Variants in KIF13B observed in about 807,000 individuals in gnomAD.
The protein encoded by KIF13B is kinesin-like protein KIF13B.
Under a neutral mutation model 222.0 loss-of-function variants are expected in KIF13B, and 127 were observed. That is an observed-to-expected ratio of 0.57 (90% CI 0.50 to 0.66). The LOEUF (loss-of-function observed/expected upper bound fraction) is 0.66, where lower values mean the gene tolerates loss of function less well. Among genes scored for constraint, KIF13B ranks in the 30% least tolerant of loss-of-function variants. The pLI, the probability that KIF13B is intolerant of heterozygous loss-of-function variation, is 0.00. For missense variants in KIF13B, 2,173 were observed against 2,379.0 expected (o/e 0.91, Z 1.80); for synonymous variants, 976 against 919.0 (o/e 1.06, Z -1.12).
intron 10 of KIF13B, among the ~76,000 whole-genome samples, chr8:29,174,016 A>C (rs544943399): frequency 5.5e-4 from 83 of 152,278 alleles, no homozygotes; most frequent in Middle Eastern, 3.4e-3. Context: ...TGTTTAAGGT[A>C]TAGAGCACGT....
intron 23 of KIF13B, among the ~76,000 whole-genome samples, chr8:29,131,577 T>C (rs1810346644): frequency 1.3e-5 from 2 of 152,194 alleles, no homozygotes; most frequent in African/African-American, 4.8e-5. Context: ...ATATGCAATT[T>C]CAGTCAATCC....
In KIF13B at chr8:29,071,707, C is replaced by T. The variant is rs757880042; in HGVS notation, c.5131G>A (p.Ala1711Thr). 1.2e-5 allele frequency: 19 copies of T among 1,550,992 alleles called. No homozygotes were observed. The highest frequency in any genetic ancestry group is 1.6e-5 in the Non-Finnish European group (18 of 1,147,190). Residue 1711 changes from alanine to threonine, a missense_variant, in exon 39 of 40, where the codon GCC (alanine) becomes ACC (threonine). Transcript: ENST00000524189. This position sits in a 1 kb window ranked among gnomAD's most constrained non-coding sequence, Gnocchi z 4.9. ...TATCTCACCACGCCCGTTTTGTGGG[C>T]GCCCACGGTGACGAACTCGCCCTCT... Reference protein sequence around the residue: ...LREGEFVTVGAHKTGVVRYVG... With the variant: ...LREGEFVTVGTHKTGVVRYVG...
intron 6 of KIF13B, among the ~76,000 whole-genome samples, 168 bp from the exon 7 acceptor site, chr8:29,182,174 C>T (rs1347564855): frequency 6.6e-6 from 1 of 152,100 alleles, no homozygotes; most frequent in Non-Finnish European, 1.5e-5. Context: ...ATCTTCACTG[C>T]GAAGAAAACT....
At position 29,126,484 on chromosome 8, in the gene KIF13B, G is replaced by C; in HGVS notation, c.3250C>G (p.Gln1084Glu). 1.3e-6 allele frequency: 2 copies of C among 1,536,374 alleles called. No homozygotes were observed. The highest frequency in any genetic ancestry group is 2.3e-5 in the South Asian group (2 of 86,014). Residue 1084 changes from glutamine (Q) to glutamate (E), a missense_variant and splice_region_variant, in exon 26 of 40, where the codon CAG (glutamine) becomes GAG (glutamate). Transcript: ENST00000524189. ...GAGATTAACAGGTGCTAAATTACCT[G>C]GTAGCTGTCCATGTCTTCCTCTTCC... ...HEEEEDMDSY[Q>E]DRDLERLRRK...
At chr8:29,242,267 C>A (rs1010220968) in intron 2 of KIF13B, among the ~76,000 whole-genome samples, 20 of 152,036 alleles carry the variant, frequency 1.3e-4, no homozygotes, top group African/African-American at 4.3e-4. Context: ...ACAACAACAA[C>A]AAAAAACCCC....
intron 2 of KIF13B, among the ~76,000 whole-genome samples, chr8:29,229,426 A>T (rs719926): frequency 2.0e-5 from 3 of 151,972 alleles, no homozygotes; most frequent in Non-Finnish European, 4.4e-5. Context: ...AAATGTTGAG[A>T]TAACAATGTG....
intron 2 of KIF13B, among the ~76,000 whole-genome samples, chr8:29,238,588 C>A (rs1436133636): frequency 6.6e-6 from 1 of 152,180 alleles, no homozygotes; most frequent in Non-Finnish European, 1.5e-5. Flanking sequence ...GTAACCTTTA[C>A]GCTGTCTATT....
chr8:29,162,134 A>G (rs1811809702), intron 12 of KIF13B, among the ~76,000 whole-genome samples: 1 of 152,138 alleles, frequency 6.6e-6, no homozygotes, highest in African/African-American at 2.4e-5. Context: ...TCGGGGCTGG[A>G]GAGGGTATCT....
intron 4 of KIF13B, among the ~76,000 whole-genome samples, chr8:29,188,970 C>A (rs946607563): frequency 1.3e-5 from 2 of 152,160 alleles, no homozygotes; most frequent in African/African-American, 4.8e-5. Flanking sequence ...TGCTTTTATT[C>A]GGTGGGTACC....
intron 2 of KIF13B, among the ~76,000 whole-genome samples, chr8:29,229,941 A>G (rs766799947): frequency 2.6e-5 from 4 of 152,220 alleles, no homozygotes; most frequent in Admixed American, 6.5e-5. Flanking sequence ...TGCCAGTGTT[A>G]TTTGAAAAGA....
At chr8:29,261,033 T>TA (rs1428414492) in intron 1 of KIF13B, among the ~76,000 whole-genome samples, 1 of 152,112 alleles carries the variant, frequency 6.6e-6, no homozygotes, top group Non-Finnish European at 1.5e-5. Flanking sequence ...AATTACTTCA[T>TA]AACAAAAATG....
intron 26 of KIF13B, 71 bp from the exon 27 acceptor site, chr8:29,124,194 T>G: frequency 1.1e-6 from 1 of 913,840 alleles, no homozygotes; most frequent in Non-Finnish European, 1.7e-6. Context: ...ATGCTCTATC[T>G]TACCTTGCTC....
intron 13 of KIF13B, among the ~76,000 whole-genome samples, chr8:29,158,691 T>G (rs1054284978): frequency 5.9e-5 from 9 of 152,200 alleles, no homozygotes; most frequent in Non-Finnish European, 4.4e-5. Context: ...ATCATCCTTT[T>G]GAATGTGCTT....
In KIF13B at chr8:29,071,819, G is replaced by T. The variant is rs924107105; in HGVS notation, c.5019C>A (p.Ala1673=). ...CGCCCGGGGCCGGCGCATTCCCCTC[G>T]GCCCCCGGGGAGCAGCCGGGGTCCC... The part of the protein sequence containing the change: ...LAGDPGCSPG[A]EGNAPAPGAG... The change falls in exon 39 of 40, where the codon GCC becomes GCA. Residue 1673 remains alanine, a synonymous_variant. Transcript: ENST00000524189. The surrounding 1 kb of genome is among the most constrained non-coding windows in gnomAD (Gnocchi z 4.9). 4.5e-6 allele frequency: 7 copies of T among 1,543,286 alleles called. No homozygotes were observed. In the Admixed American group the frequency reaches 1.2e-4, roughly 26 times the overall value.
rs372390442 is a variant in KIF13B, at chr8:29,134,023, C to A, written c.2784+17G>T. ...TGAGTAATCTAAATGCTGACCTACT[C>A]TGGAAAACAAACTCACATTGCAATG... On this transcript the variant is annotated intron_variant, in intron 22 of 39. Coordinates refer to ENST00000524189, the MANE Select transcript of KIF13B (RefSeq NM_015254.4). 1 of 1,608,182 alleles carries A rather than the reference C, an allele frequency of 6.2e-7. No individual in the cohort carries two copies.
intron 37 of KIF13B, among the ~76,000 whole-genome samples, chr8:29,090,635 C>T (rs1808255387): frequency 1.3e-5 from 2 of 152,306 alleles, no homozygotes; most frequent in African/African-American, 4.8e-5. Flanking sequence ...CACAAACCAA[C>T]TGGAATGTTC....
At chr8:29,085,947 G>A (rs1339025650) in intron 37 of KIF13B, among the ~76,000 whole-genome samples, 19 of 151,058 alleles carry the variant, frequency 1.3e-4, no homozygotes, top group Admixed American at 1.3e-3. Context: ...CATTTCTATG[G>A]CCCTAGGACC....
chr8:29,105,914 C>T (rs528882183), intron 35 of KIF13B, among the ~76,000 whole-genome samples: 27 of 152,046 alleles, frequency 1.8e-4, no homozygotes, highest in Non-Finnish European at 4.0e-4. Context: ...CTGCCTCAAC[C>T]TCCCAAAGTG....
Position 29,108,167 on chromosome 8 carries a change from A to AT in KIF13B, c.4186dup (p.Ile1396AsnfsTer41). On this transcript the variant is annotated frameshift_variant, in exon 35 of 40. Transcript: ENST00000524189. LOFTEE classifies it high-confidence loss of function. Reference sequence around the variant, plus strand: ...GTTGCTGCCTAGACTGTATGATGGAATGAGATCTTGTCGGCTTCCAGACAA... The same window carrying AT: ...GTTGCTGCCTAGACTGTATGATGGAATTGAGATCTTGTCGGCTTCCAGACAA... 1.9e-6 allele frequency: 3 copies of AT among 1,612,460 alleles called. No individual in the cohort carries two copies. The highest frequency in any genetic ancestry group is 2.5e-6 in the Non-Finnish European group (3 of 1,179,256).
Sources: allele counts gnomAD v4.1 joint callset (sites outside exome capture counted in the v4.1 genomes callset), GRCh38; gene constraint gnomAD v4.1.1; non-coding constraint Gnocchi (gnomAD v3.1); transcripts MANE v1.5; gene names NCBI Gene and HGNC (gene_info 2026-07-23, HGNC 2026-07-21).